HSD17B12: variants seen among roughly 807,000 people sequenced by gnomAD.
HSD17B12 encodes hydroxysteroid 17-beta dehydrogenase 12.
HSD17B12 carries 32 observed loss-of-function variants against 39.3 expected under a neutral mutation model. That is an observed-to-expected ratio of 0.81 (90% CI 0.61 to 1.09). The LOEUF is 1.09. HSD17B12 is among the 50% of genes least tolerant of loss of function. The pLI, the probability that HSD17B12 is intolerant of heterozygous loss-of-function variation, is 0.00. For missense variants in HSD17B12, 342 were observed against 382.9 expected (o/e 0.89, Z 0.89); for synonymous variants, 150 against 146.7 (o/e 1.02, Z -0.16).
chr11:43,767,595 A>G (rs558352363), intron 3 of HSD17B12, among the ~76,000 whole-genome samples: 1 of 152,192 alleles, frequency 6.6e-6, no homozygotes, highest in Non-Finnish European at 1.5e-5. Flanking sequence ...GTTACATGCT[A>G]ATTTTTAAAA....
At chr11:43,786,730 T>C (rs2135021890) in intron 3 of HSD17B12, among the ~76,000 whole-genome samples, 1 of 152,330 alleles carries the variant, frequency 6.6e-6, no homozygotes, top group African/African-American at 2.4e-5. Flanking sequence ...CTGATATTTG[T>C]GAGAATAATT....
chr11:43,567,108 C>A, the HSD17B12 span, among the ~76,000 whole-genome samples: 1 of 152,198 alleles, frequency 6.6e-6, no homozygotes. Context: ...GGATATACAA[C>A]CATCCTGATG....
intron 6 of HSD17B12, among the ~76,000 whole-genome samples, chr11:43,816,847 A>G (rs143939586): frequency 2.6e-5 from 4 of 152,076 alleles, no homozygotes; most frequent in East Asian, 1.9e-4. Flanking sequence ...GTTCCCACTT[A>G]TAAGTGAGAA....
intron 1 of HSD17B12, among the ~76,000 whole-genome samples, chr11:43,692,676 C>T (rs1398595573): frequency 6.6e-6 from 1 of 152,102 alleles, no homozygotes; most frequent in Non-Finnish European, 1.5e-5. Flanking sequence ...ATTGGTAAGA[C>T]TAATTCGTGA....
intron 1 of HSD17B12, among the ~76,000 whole-genome samples, chr11:43,737,533 T>C (rs1950327549): frequency 6.6e-6 from 1 of 152,216 alleles, no homozygotes; most frequent in South Asian, 2.1e-4. Flanking sequence ...GTTATATTTG[T>C]GTATGAAGAC....
At chr11:43,648,610 A>G in the HSD17B12 span, among the ~76,000 whole-genome samples, 1 of 152,374 alleles carries the variant, frequency 6.6e-6, no homozygotes, top group African/African-American at 2.4e-5. Flanking sequence ...ACATAAAAGA[A>G]TCGAATAAAG....
intron 3 of HSD17B12, among the ~76,000 whole-genome samples, chr11:43,769,466 T>C (rs547540953): frequency 6.6e-6 from 1 of 152,346 alleles, no homozygotes; most frequent in Middle Eastern, 3.4e-3. Flanking sequence ...CGTCACCCAG[T>C]GCACAGTAAA....
the HSD17B12 span, among the ~76,000 whole-genome samples, chr11:43,642,404 C>A: frequency 1.3e-5 from 2 of 151,072 alleles, no homozygotes; most frequent in African/African-American, 2.4e-5. Context: ...TACGTAAAGC[C>A]CTTTAATATA....
At chr11:43,834,862 G>C (rs949803955) in intron 7 of HSD17B12, among the ~76,000 whole-genome samples, 1 of 151,730 alleles carries the variant, frequency 6.6e-6, no homozygotes, top group East Asian at 1.9e-4. Flanking sequence ...TTTCCTGTCA[G>C]CAATTGGTGT....
chr11:43,695,212 A>G (rs1949899386), intron 1 of HSD17B12, among the ~76,000 whole-genome samples: 1 of 152,156 alleles, frequency 6.6e-6, no homozygotes, highest in Non-Finnish European at 1.5e-5. Context: ...CTTTTTAACC[A>G]AATATCTTCT....
chr11:43,806,663 G>C (rs1007273026), intron 4 of HSD17B12, among the ~76,000 whole-genome samples: 1 of 152,140 alleles, frequency 6.6e-6, no homozygotes, highest in Admixed American at 6.5e-5. Context: ...AAGATAGAGA[G>C]TAGATTGGTG....
At chr11:43,774,012 C>T (rs546371061) in intron 3 of HSD17B12, among the ~76,000 whole-genome samples, 1 of 152,170 alleles carries the variant, frequency 6.6e-6, no homozygotes, top group South Asian at 2.1e-4. Context: ...GATCCTAGGT[C>T]ACATATGTGT....
chr11:43,717,804 CTTTTTTTTT>C (rs34501307), intron 1 of HSD17B12, among the ~76,000 whole-genome samples: 2 of 130,204 alleles, frequency 1.5e-5, no homozygotes, highest in Non-Finnish European at 3.3e-5. Flanking sequence ...TCTTCTTCTT[CTTTTTTTTT>C]TTTTTTTTTG....
intron 1 of HSD17B12, among the ~76,000 whole-genome samples, chr11:43,723,228 T>G (rs1166138101): frequency 6.6e-6 from 1 of 152,166 alleles, no homozygotes; most frequent in Non-Finnish European, 1.5e-5. Flanking sequence ...AAGGCAAGAT[T>G]GAATAAGGTG....
chr11:43,847,985 G>C (rs538486755), intron 9 of HSD17B12, among the ~76,000 whole-genome samples: 1 of 152,180 alleles, frequency 6.6e-6, no homozygotes, highest in South Asian at 2.1e-4. Flanking sequence ...ATTGCTTAGG[G>C]TATTCATATA....
At chr11:43,817,317 C>G (rs1004473056) in intron 6 of HSD17B12, among the ~76,000 whole-genome samples, 44 of 152,112 alleles carry the variant, frequency 2.9e-4, no homozygotes, top group African/African-American at 1.0e-3. Context: ...TGCTGATGTT[C>G]CTTTAGCCGT....
chr11:43,599,861 G>A, the HSD17B12 span, among the ~76,000 whole-genome samples: 33 of 152,174 alleles, frequency 2.2e-4, no homozygotes, highest in African/African-American at 7.7e-4. Context: ...AAGAAGAAAA[G>A]GGATTGGAGG....
the HSD17B12 span, among the ~76,000 whole-genome samples, chr11:43,654,227 C>A: frequency 1.3e-5 from 2 of 152,192 alleles, no homozygotes; most frequent in Admixed American, 1.3e-4. Flanking sequence ...CCTTCGGCCA[C>A]TTTTTGATGG....
At chr11:43,564,898 C>T in the HSD17B12 span, among the ~76,000 whole-genome samples, 1 of 140,590 alleles carries the variant, frequency 7.1e-6, no homozygotes, top group Non-Finnish European at 1.5e-5. Flanking sequence ...CTTTCTTCTT[C>T]TTTTTTTTTT....
Sources: gnomAD v4.1 joint callset for allele counts (sites outside exome capture counted in the v4.1 genomes callset) on GRCh38, gnomAD v4.1.1 for gene constraint, MANE v1.5 for transcripts, NCBI Gene and HGNC (gene_info 2026-07-23, HGNC 2026-07-21) for gene names.